Variants in CRMP1 observed in about 807,000 individuals in gnomAD.
The protein encoded by CRMP1 is collapsin response mediator protein 1.
A neutral mutation model predicts 68.3 loss-of-function variants in CRMP1; 19 were observed. That is an observed-to-expected ratio of 0.28 (90% CI 0.19 to 0.41). The LOEUF is 0.41. Ranked by LOEUF, CRMP1 falls within the 10% of genes least tolerant of loss-of-function variation. The pLI is 1.00. For synonymous variants in CRMP1, 439 were observed against 399.6 expected (o/e 1.10, Z -1.18); for missense variants, 791 against 967.4 (o/e 0.82, Z 2.42).
At position 5,825,001 on chromosome 4, in the gene CRMP1, C is replaced by T. The variant is rs145859752; in HGVS notation, c.1969+493G>A. 1.0e-6 allele frequency: 1 copy of T among 985,156 alleles called. No individual in the cohort carries two copies. Among genetic ancestry groups the T allele is most frequent in the South Asian group, 4.7e-5 (1 of 21,286 alleles). The allele number at this position is 985,156 out of a possible 1,614,324, so 61.0% of individuals were successfully genotyped here. Reference sequence around the variant, plus strand: ...GGATTTCTTGGGGCTTCCGTTTCCTCTTTAAATAAATAGGGTATAATGTTA... The same window carrying T: ...GGATTTCTTGGGGCTTCCGTTTCCTTTTTAAATAAATAGGGTATAATGTTA... On this transcript the variant is annotated intron_variant, in intron 13 of 13. Coordinates refer to ENST00000324989, the MANE Select transcript of CRMP1 (RefSeq NM_001014809.3). The surrounding 1 kb of genome is among the most constrained non-coding windows in gnomAD (Gnocchi z 4.4).
Position 5,889,765 on chromosome 4 carries a change from G to T in CRMP1, c.381+2824C>A. On this transcript the variant is annotated intron_variant, in intron 1 of 13. Coordinates refer to ENST00000324989, the MANE Select transcript of CRMP1 (RefSeq NM_001014809.3). The surrounding 1 kb of genome is among the most constrained non-coding windows in gnomAD (Gnocchi z 4.5). ...CTTGGTACAGCTCCCCCAGCACTGT[G>T]GTTGGGGGCTGGGGCCCTGACCTTC... 4.6e-6 allele frequency: 7 copies of T among 1,533,430 alleles called. No individual in the cohort carries two copies. Among genetic ancestry groups the T allele is most frequent in the Non-Finnish European group, 6.1e-6 (7 of 1,144,928 alleles). 95.0% of individuals were successfully genotyped at this position (1,533,430 alleles called of 1,614,324 possible).
At chr4:5,862,397 A>G (rs1205124018) in intron 2 of CRMP1, among the ~76,000 whole-genome samples, 2 of 152,132 alleles carry the variant, frequency 1.3e-5, no homozygotes, top group Non-Finnish European at 2.9e-5. Flanking sequence ...TAATAACACC[A>G]GAATGTCCAA....
At position 5,892,522 on chromosome 4, in the gene CRMP1, C is replaced by A. The variant is rs1456600556; in HGVS notation, c.381+67G>T. ...CCGGGGCCCGGGCATGGCCCTCGGG[C>A]GCCCCATGCCCTGGGTCCTCCCGGG... On this transcript the variant is annotated intron_variant, in intron 1 of 13. Coordinates refer to ENST00000324989, the MANE Select transcript of CRMP1 (RefSeq NM_001014809.3). This position sits in a 1 kb window ranked among gnomAD's most constrained non-coding sequence, Gnocchi z 8.6. The A allele has an allele frequency of 2.6e-6, 3 of 1,152,174 alleles. No homozygotes were observed. The highest frequency in any genetic ancestry group is 3.2e-6 in the Non-Finnish European group (3 of 936,284). The allele number at this position is 1,152,174 out of a possible 1,614,324, so 71.4% of individuals were successfully genotyped here. A position where few individuals can be genotyped will look rare whatever the true frequency, so the allele number is the denominator to read the frequency against.
Position 5,821,770 on chromosome 4 carries a change from CTGG to C in CRMP1, c.2048_2050del (p.Thr683del), listed in dbSNP as rs765878303. On this transcript the variant is annotated inframe_deletion, in exon 14 of 14. Coordinates refer to ENST00000324989, the MANE Select transcript of CRMP1 (RefSeq NM_001014809.3). The surrounding 1 kb of genome is among the most constrained non-coding windows in gnomAD (Gnocchi z 4.4). Reference sequence around the variant, plus strand: ...TCCGCGCATCCACGTTCAACCGAGGCTGGTGATGTTGGAGCGGCCACCAGGGGG... The same window carrying C: ...TCCGCGCATCCACGTTCAACCGAGGCTGATGTTGGAGCGGCCACCAGGGGG... The C allele has an allele frequency of 6.2e-7, 1 of 1,610,288 alleles. No individual in the cohort carries two copies. The highest frequency in any genetic ancestry group is 8.5e-7 in the Non-Finnish European group (1 of 1,178,136).
rs141767262 is a variant in CRMP1 at position 5,867,795 on chromosome 4, G to A, written c.382-1039C>T. On this transcript the variant is annotated intron_variant, in intron 1 of 13. Coordinates refer to ENST00000324989, the MANE Select transcript of CRMP1 (RefSeq NM_001014809.3). ...ATCTGGGGCATTGGGCAGAGAAAGC[G>A]CAGACCCAGAAAATAAGTCTAAAAA... 5.1e-4 allele frequency among the ~76,000 whole-genome samples: 78 copies of A among 152,232 alleles called. 2 individuals are homozygous for A. The highest frequency in any genetic ancestry group is 1.8e-3 in the African/African-American group (73 of 41,520).
intron 1 of CRMP1, among the ~76,000 whole-genome samples, chr4:5,873,325 A>G (rs1714592350): frequency 6.6e-6 from 1 of 152,226 alleles, no homozygotes; most frequent in African/African-American, 2.4e-5. Context: ...GAGAGAGGGA[A>G]GCACACGGTG....
chr4:5,886,305 T>C (rs888092635), intron 1 of CRMP1, among the ~76,000 whole-genome samples: 1 of 152,220 alleles, frequency 6.6e-6, no homozygotes, highest in Non-Finnish European at 1.5e-5. Context: ...CAGGAAGAAC[T>C]AAAGCAGCAA....
chr4:5,841,562 C>G lies in CRMP1; in HGVS notation c.1033-134G>C. Reference sequence around the variant, plus strand: ...AATGAGAAGGACATACTGAGTCCAACAGCGCTTGACAGTGCCCCCTGCTCT... The same window carrying G: ...AATGAGAAGGACATACTGAGTCCAAGAGCGCTTGACAGTGCCCCCTGCTCT... On this transcript the variant is annotated intron_variant, in intron 7 of 13. Transcript: ENST00000324989. The surrounding 1 kb of genome is among the most constrained non-coding windows in gnomAD (Gnocchi z 6.9). The G allele has an allele frequency of 1.5e-6, 2 of 1,368,252 alleles. No individual in the cohort carries two copies. Among genetic ancestry groups the G allele is most frequent in the Middle Eastern group, 2.2e-4 (1 of 4,530 alleles). The allele number at this position is 1,368,252 out of a possible 1,614,324, so 84.8% of individuals were successfully genotyped here.
intron 1 of CRMP1, among the ~76,000 whole-genome samples, chr4:5,882,997 C>A (rs1462166123): frequency 6.6e-6 from 1 of 152,218 alleles, no homozygotes; most frequent in Non-Finnish European, 1.5e-5. Flanking sequence ...AGAATCCCCC[C>A]ATAGCCCCAC....
At position 5,892,398 on chromosome 4, in the gene CRMP1, C is replaced by A. The variant is rs1305646412; in HGVS notation, c.381+191G>T. On this transcript the variant is annotated intron_variant, in intron 1 of 13. Coordinates refer to ENST00000324989, the MANE Select transcript of CRMP1 (RefSeq NM_001014809.3). This position sits in a 1 kb window ranked among gnomAD's most constrained non-coding sequence, Gnocchi z 8.6. ...AGTCTCACGGACCACGCCGGCCAGC[C>A]CCGACCGAGTCGCCCCAGCTCTGGG... 1.3e-5 allele frequency among the ~76,000 whole-genome samples: 2 copies of A among 152,122 alleles called. No individual in the cohort carries two copies. Among genetic ancestry groups the A allele is most frequent in the African/African-American group, 4.8e-5 (2 of 41,448 alleles).
chr4:5,822,125 G>A (rs1205835277), intron 13 of CRMP1, among the ~76,000 whole-genome samples: 1 of 152,234 alleles, frequency 6.6e-6, no homozygotes, highest in Non-Finnish European at 1.5e-5. Flanking sequence ...TCCTGAGACA[G>A]GTGATCAAAC....
chr4:5,828,774 T>G (rs1310601306), intron 11 of CRMP1, 106 bp from the exon 12 acceptor site: 1 of 1,303,828 alleles, frequency 7.7e-7, no homozygotes, highest in Admixed American at 2.7e-5. Context: ...TGTTCCAATG[T>G]TTTTTTTTCT....
Position 5,891,619 on chromosome 4 carries a change from C to A in CRMP1, c.381+970G>T, listed in dbSNP as rs1035397829. 2.0e-5 allele frequency among the ~76,000 whole-genome samples: 3 copies of A among 152,224 alleles called. No individual in the cohort carries two copies. The highest frequency in any genetic ancestry group is 6.5e-5 in the Admixed American group (1 of 15,290). ...CAGGGACCTAGCGCCTACCCTGGGC[C>A]TGGCACCTAGCAGTTCTCCGGCATC... is the stretch of plus-strand genomic sequence containing the variant. On this transcript the variant is annotated intron_variant, in intron 1 of 13. Transcript: ENST00000324989. The surrounding 1 kb of genome is among the most constrained non-coding windows in gnomAD (Gnocchi z 5.2).
At chr4:5,863,805 G>C (rs1344830693) in intron 2 of CRMP1, among the ~76,000 whole-genome samples, 1 of 152,190 alleles carries the variant, frequency 6.6e-6, no homozygotes, top group Non-Finnish European at 1.5e-5. Context: ...TCATTCAAGT[G>C]AAGGAAAGTA....
intron 10 of CRMP1, 30 bp from the exon 11 acceptor site, chr4:5,836,115 C>A (rs776246815): frequency 7.0e-7 from 1 of 1,429,612 alleles, no homozygotes; most frequent in Non-Finnish European, 9.2e-7. Context: ...ATGAGAAGAG[C>A]ATCTCATAAT....
chr4:5,873,340 A>G (rs1254931625), intron 1 of CRMP1, among the ~76,000 whole-genome samples: 1 of 152,226 alleles, frequency 6.6e-6, no homozygotes, highest in East Asian at 1.9e-4. Flanking sequence ...ACGGTGTATT[A>G]GTCCATCCTC....
In CRMP1 at chr4:5,877,435, C is replaced by G. The variant is rs1213406540; in HGVS notation, c.382-10679G>C. On this transcript the variant is annotated intron_variant, in intron 1 of 13. Coordinates refer to ENST00000324989, the MANE Select transcript of CRMP1 (RefSeq NM_001014809.3). This position sits in a 1 kb window ranked among gnomAD's most constrained non-coding sequence, Gnocchi z 4.3. ...GAATAACCAGAGCCTTCCCCTTGAG[C>G]AAGCTCCCCACTCTGGCCTCCTTGC... is the stretch of plus-strand genomic sequence containing the variant. Among the ~76,000 whole-genome samples the G allele has an allele frequency of 2.6e-5, 4 of 152,222 alleles. No homozygotes were observed. The highest frequency in any genetic ancestry group is 2.1e-4 in the South Asian group (1 of 4,834).
intron 12 of CRMP1, among the ~76,000 whole-genome samples, chr4:5,827,242 A>C (rs918544834): frequency 6.6e-6 from 1 of 152,228 alleles, no homozygotes; most frequent in East Asian, 1.9e-4. Flanking sequence ...AAGCCAGCCA[A>C]GGGGTGTGTC....
At chr4:5,839,370 T>A in intron 9 of CRMP1, 152 bp downstream of exon 9, 1 of 940,636 alleles carries the variant, frequency 1.1e-6, no homozygotes, top group Non-Finnish European at 1.5e-6. Flanking sequence ...GAGGGCCTGT[T>A]GTAAGCCATA....
Sources: allele counts gnomAD v4.1 joint callset (sites outside exome capture counted in the v4.1 genomes callset), GRCh38; gene constraint gnomAD v4.1.1; non-coding constraint Gnocchi (gnomAD v3.1); transcripts MANE v1.5; gene names NCBI Gene and HGNC (gene_info 2026-07-23, HGNC 2026-07-21).